PP2D1: variants seen among roughly 807,000 people sequenced by gnomAD.
The protein encoded by PP2D1 is protein phosphatase 2C like domain containing 1.
A neutral mutation model predicts 30.2 loss-of-function variants in PP2D1; 25 were observed. The ratio of observed to expected loss-of-function variants is 0.83; its 90% confidence interval spans 0.60 to 1.16. The LOEUF (loss-of-function observed/expected upper bound fraction) is 1.16, where lower values mean the gene tolerates loss of function less well. PP2D1 is among the 50% of genes most tolerant of loss of function. The pLI is 0.00. For missense variants in PP2D1, 760 were observed against 742.4 expected (o/e 1.02, Z -0.28); for synonymous variants, 260 against 258.9 (o/e 1.00, Z -0.04).
At chr3:19,980,412 G>A (rs1380145240), downstream of PP2D1, among the ~76,000 whole-genome samples, 1 of 150,810 alleles carries the variant, frequency 6.6e-6, no homozygotes. Context: ...AAATGGAATT[G>A]TGGCCTTTCC....
chr3:19,998,833 A>G (rs1697215440), intron 2 of PP2D1, among the ~76,000 whole-genome samples: 1 of 152,180 alleles, frequency 6.6e-6, no homozygotes, highest in Non-Finnish European at 1.5e-5. Context: ...TTCTTGAAAA[A>G]TTTGTGTAAA....
chr3:19,987,164 G>A (rs996352119), intron 2 of PP2D1, among the ~76,000 whole-genome samples: 1 of 152,016 alleles, frequency 6.6e-6, no homozygotes, highest in African/African-American at 2.4e-5. Flanking sequence ...TAGTTTGTCC[G>A]TGGTTCAAAT....
At chr3:19,996,732 A>T (rs1391298606) in intron 2 of PP2D1, 1 of 152,126 alleles carries the variant, frequency 6.6e-6, no homozygotes, top group African/African-American at 2.4e-5. Context: ...TTTTTTAAAA[A>T]AAGCACCATG....
chr3:20,006,962 T>C (rs895099763), intron 1 of PP2D1, among the ~76,000 whole-genome samples: 4 of 149,792 alleles, frequency 2.7e-5, no homozygotes, highest in Non-Finnish European at 4.4e-5. Context: ...TATATATATA[T>C]ACATATATAT....
chr3:20,009,824 G>C (rs1697363847), intron 1 of PP2D1, among the ~76,000 whole-genome samples: 1 of 152,170 alleles, frequency 6.6e-6, no homozygotes, highest in Non-Finnish European at 1.5e-5. Flanking sequence ...TTAATTCCAT[G>C]AAGCGTACAA....
At chr3:19,994,041 C>G (rs1697148411) in intron 2 of PP2D1, among the ~76,000 whole-genome samples, 1 of 127,296 alleles carries the variant, frequency 7.9e-6, no homozygotes, top group African/African-American at 2.7e-5. Context: ...CCAATTCTGT[C>G]TTAAAAAAAA....
At position 19,995,229 on chromosome 3, in the gene PP2D1, G is replaced by GT. The variant is rs543750726; in HGVS notation, c.1090+5800dup. On this transcript the variant is annotated intron_variant, in intron 2 of 2. Transcript: ENST00000389050. ...TGTGTTCTTATTGGCAAAAAAAAAA[G>GT]TTTTTGCGGTTGTAGTTAAGGATTT... Among the ~76,000 whole-genome samples the GT allele has an allele frequency of 6.6e-5, 10 of 152,186 alleles. No individual in the cohort carries two copies. The South Asian group carries it at 2.1e-3, about 32-fold the overall frequency.
chr3:19,994,057 T>C (rs1436116057), intron 2 of PP2D1, among the ~76,000 whole-genome samples: 2 of 141,358 alleles, frequency 1.4e-5, no homozygotes, highest in Non-Finnish European at 3.1e-5. Context: ...AAAAAAAAAA[T>C]CACAGGTTTA....
At chr3:20,003,835 G>A (rs1697285233) in intron 1 of PP2D1, among the ~76,000 whole-genome samples, 1 of 151,844 alleles carries the variant, frequency 6.6e-6, no homozygotes, top group Non-Finnish European at 1.5e-5. Context: ...CTAGAATAAG[G>A]ATATGAAGCA....
At position 20,006,486 on chromosome 3, in the gene PP2D1, G is replaced by A. The variant is rs931340721; in HGVS notation, c.24-4390C>T. 3.9e-5 allele frequency among the ~76,000 whole-genome samples: 6 copies of A among 152,234 alleles called. No individual in the cohort carries two copies. The South Asian group carries it at 6.2e-4, about 16-fold the overall frequency. On this transcript the variant is annotated intron_variant, in intron 1 of 2. Coordinates refer to ENST00000389050, the MANE Select transcript of PP2D1 (RefSeq NM_001252657.2). ...TGCTTAGGTCCCTGATATAAATGGCGTAGTATTTGCATCTTCCTTGTATGT... is the reference window on the plus strand; with the variant it reads ...TGCTTAGGTCCCTGATATAAATGGCATAGTATTTGCATCTTCCTTGTATGT...
chr3:19,992,828 C>T (rs879798278), intron 2 of PP2D1, among the ~76,000 whole-genome samples: 6 of 152,202 alleles, frequency 3.9e-5, no homozygotes, highest in East Asian at 1.9e-4. Context: ...AAAGGAGTGA[C>T]GTGGCAATCT....
intron 2 of PP2D1, chr3:19,996,940 T>C (rs1697187419): frequency 6.6e-6 from 1 of 151,434 alleles, no homozygotes; most frequent in African/African-American, 2.4e-5. Flanking sequence ...ATATGACACA[T>C]TACCAACAGA....
chr3:19,983,741 C>T (rs1157810705), downstream of PP2D1: 4 of 1,611,932 alleles, frequency 2.5e-6, no homozygotes, highest in South Asian at 3.3e-5. Flanking sequence ...CCACAAAATC[C>T]AGGAGCAAAT....
chr3:19,995,896 G>A (rs1258741325), intron 2 of PP2D1, among the ~76,000 whole-genome samples: 1 of 151,992 alleles, frequency 6.6e-6, no homozygotes, highest in East Asian at 1.9e-4. Flanking sequence ...AATTATAAAG[G>A]AAATCAAAAA....
intron 1 of PP2D1, among the ~76,000 whole-genome samples, chr3:20,011,067 G>A (rs537475929): frequency 3.0e-4 from 46 of 152,200 alleles, no homozygotes; most frequent in African/African-American, 1.1e-3. Context: ...ATGGTGTGAT[G>A]AGACCTAAGA....
chr3:19,988,041 CT>C (rs1405394340), intron 2 of PP2D1, among the ~76,000 whole-genome samples: 11 of 152,112 alleles, frequency 7.2e-5, no homozygotes, highest in Non-Finnish European at 1.3e-4. Context: ...TTGTATGTCG[CT>C]TCAGGACCCT....
intron 1 of PP2D1, among the ~76,000 whole-genome samples, chr3:20,007,088 G>A (rs558102827): frequency 5.3e-5 from 8 of 151,556 alleles, no homozygotes; most frequent in Admixed American, 2.6e-4. Flanking sequence ...GCCCAGGCTC[G>A]TCTTGAACTC....
chr3:19,983,322 G>A (rs1046212583), downstream of PP2D1, among the ~76,000 whole-genome samples: 5 of 141,510 alleles, frequency 3.5e-5, no homozygotes, highest in African/African-American at 1.3e-4. Flanking sequence ...GGTGAGCCTG[G>A]GTGACAGAGT....
chr3:20,005,098 G>A (rs184640115), intron 1 of PP2D1, among the ~76,000 whole-genome samples: 3 of 152,070 alleles, frequency 2.0e-5, no homozygotes, highest in Non-Finnish European at 4.4e-5. Flanking sequence ...GCTACAGATC[G>A]AGACCCTGTC....
Sources: allele counts gnomAD v4.1 joint callset (sites outside exome capture counted in the v4.1 genomes callset), GRCh38; gene constraint gnomAD v4.1.1; transcripts MANE v1.5; gene names NCBI Gene and HGNC (gene_info 2026-07-23, HGNC 2026-07-21).